Variants in SNRPN observed in about 807,000 individuals in gnomAD.
SNRPN encodes small nuclear ribonucleoprotein-associated protein N.
A neutral mutation model predicts 25.2 loss-of-function variants in SNRPN; 7 were observed. The ratio of observed to expected loss-of-function variants is 0.28; its 90% CI spans 0.16 to 0.52. The LOEUF is 0.52. SNRPN is among the 20% of genes least tolerant of loss of function. The pLI, the probability that SNRPN is intolerant of heterozygous loss-of-function variation, is 0.96. For missense variants in SNRPN, 196 were observed against 322.5 expected (o/e 0.61, Z 3.00); for synonymous variants, 124 against 110.6 (o/e 1.12, Z -0.76).
intron 2 of SNRPN, among the ~76,000 whole-genome samples, chr15:24,890,601 C>T (rs1459360409): frequency 2.0e-5 from 3 of 152,138 alleles, no homozygotes; most frequent in African/African-American, 4.8e-5. Context: ...ATCGCTTGAA[C>T]CCAGGAGGTG....
At chr15:24,944,662 A>G (rs1314922423) in intron 3 of SNRPN, among the ~76,000 whole-genome samples, 1 of 152,246 alleles carries the variant, frequency 6.6e-6, no homozygotes, top group Non-Finnish European at 1.5e-5. Context: ...TTTATTCTTA[A>G]GATCTGGTTC....
chr15:24,912,085 T>C (rs557058421), intron 2 of SNRPN, among the ~76,000 whole-genome samples: 1 of 152,206 alleles, frequency 6.6e-6, no homozygotes, highest in African/African-American at 2.4e-5. Context: ...TTGAATTTTG[T>C]TGGCCTTGTT....
At chr15:24,835,867 G>T (rs1250365749) in intron 2 of SNRPN, among the ~76,000 whole-genome samples, 1 of 152,012 alleles carries the variant, frequency 6.6e-6, no homozygotes, top group Non-Finnish European at 1.5e-5. Context: ...GTCTCGCTTT[G>T]TTGCCCAGGC....
chr15:24,845,911 C>G (rs572054253), intron 2 of SNRPN, among the ~76,000 whole-genome samples: 5 of 151,832 alleles, frequency 3.3e-5, no homozygotes, highest in East Asian at 2.0e-4. Flanking sequence ...ATGGTGAAAC[C>G]CTGTCTCTAC....
Position 24,969,316 on chromosome 15 carries a change from A to G in SNRPN, c.-144+1234A>G, listed in dbSNP as rs373460121. ...GCTAATTTTTGTATTTTTGGTAGAG[A>G]CGGGGTTTCACCATGTTCTCCAGGC... is the stretch of plus-strand genomic sequence containing the variant. On this transcript the variant is annotated intron_variant, in intron 3 of 9. Transcript: ENST00000390687. Among the ~76,000 whole-genome samples, 187 of 152,158 alleles carry G rather than the reference A, an allele frequency of 1.2e-3. 3 individuals carry two copies. Among genetic ancestry groups the G allele is most frequent in the African/African-American group, 4.4e-3 (181 of 41,522 alleles).
At position 24,974,493 on chromosome 15, in the gene SNRPN, T is replaced by C. The variant is rs17114933; in HGVS notation, c.3+37T>C. ...GATAAGGCTGAGGGTTGAAATGTGC[T>C]GTAAGGGCCGAAAGAAATAGTTTGC... On this transcript the variant is annotated intron_variant, in intron 4 of 9. Transcript: ENST00000390687. 7.4e-3 allele frequency: 11,822 copies of C among 1,607,020 alleles called. 735 individuals are homozygous for C. The African/African-American group carries it at 0.14, about 19-fold the overall frequency.
chr15:24,900,994 G>T (rs1015152998), intron 2 of SNRPN, among the ~76,000 whole-genome samples: 14 of 152,134 alleles, frequency 9.2e-5, no homozygotes, highest in African/African-American at 2.9e-4. Flanking sequence ...CTACTTGGGG[G>T]CTGAGATCAG....
intron 1 of SNRPN, among the ~76,000 whole-genome samples, chr15:24,828,351 A>G (rs2050247552): frequency 6.6e-6 from 1 of 152,102 alleles, no homozygotes; most frequent in South Asian, 2.1e-4. Flanking sequence ...CCTGAAGGTG[A>G]CAACAGAAGA....
At chr15:24,955,834 G>A (rs1424373958) in intron 1 of SNRPN, among the ~76,000 whole-genome samples, 3 of 151,628 alleles carry the variant, frequency 2.0e-5, no homozygotes, top group African/African-American at 7.3e-5. Context: ...AGGCATGGCG[G>A]CGGTGGGCAT....
At chr15:24,858,294 C>T (rs1021255488) in intron 1 of SNRPN, among the ~76,000 whole-genome samples, 7 of 152,030 alleles carry the variant, frequency 4.6e-5, no homozygotes, top group Admixed American at 2.0e-4. Context: ...TCCTGAAGTT[C>T]GCGGGGAATG....
At chr15:24,865,931 G>T (rs2054533316) in intron 1 of SNRPN, among the ~76,000 whole-genome samples, 1 of 152,110 alleles carries the variant, frequency 6.6e-6, no homozygotes, top group Non-Finnish European at 1.5e-5. Context: ...CAGTTGGGGG[G>T]CTTAGGATTT....
In SNRPN at chr15:24,978,332, T is replaced by G. The variant is rs148422593; in HGVS notation, c.685+14T>G. 4.7e-4 allele frequency: 757 copies of G among 1,614,094 alleles called. 2 individuals carry two copies. The African/African-American group carries it at 8.9e-3, about 19-fold the overall frequency. Reference sequence around the variant, plus strand: ...CAGGCATTAGAGGTGAGTGGGAGCATAGGGGTTTGATGGTTCAGCCAGGCC... The same window carrying G: ...CAGGCATTAGAGGTGAGTGGGAGCAGAGGGGTTTGATGGTTCAGCCAGGCC... On this transcript the variant is annotated intron_variant, in intron 9 of 9. Coordinates refer to ENST00000390687, the MANE Select transcript of SNRPN (RefSeq NM_003097.6).
intron 3 of SNRPN, 186 bp downstream of exon 3, chr15:24,968,268 T>G (rs2075940875): frequency 8.0e-6 from 4 of 497,226 alleles, no homozygotes; most frequent in Non-Finnish European, 1.4e-5. Flanking sequence ...TTCGTCATGT[T>G]TCTGTATTCC....
intron 1 of SNRPN, among the ~76,000 whole-genome samples, chr15:24,872,545 A>G (rs1404077378): frequency 9.2e-6 from 1 of 109,052 alleles, no homozygotes; most frequent in Non-Finnish European, 1.9e-5. Context: ...TGGGAGTTCG[A>G]GACCAGCCTG....
At chr15:24,960,030 C>T (rs559408777) in intron 1 of SNRPN, among the ~76,000 whole-genome samples, 5 of 151,768 alleles carry the variant, frequency 3.3e-5, no homozygotes, top group Admixed American at 6.6e-5. Flanking sequence ...TTTGGGAGGC[C>T]GAGGTGGGTA....
intron 2 of SNRPN, among the ~76,000 whole-genome samples, chr15:24,903,724 C>G (rs2151657180): frequency 6.6e-6 from 1 of 152,204 alleles, no homozygotes; most frequent in South Asian, 2.1e-4. Flanking sequence ...GAGAGATAGT[C>G]CCAGAAAGCT....
At chr15:24,954,902 C>T (rs185694427), upstream of SNRPN, 272 of 1,182,406 alleles carry the variant, frequency 2.3e-4, no homozygotes, top group Non-Finnish European at 3.0e-4. Flanking sequence ...CAAACAAGCA[C>T]GCCTGCGCGG....
At chr15:24,954,917 A>G, upstream of SNRPN, 1 of 1,353,978 alleles carries the variant, frequency 7.4e-7, no homozygotes. Context: ...GCGCGGCCGC[A>G]GAGGCAGGCT....
chr15:24,873,457 T>C (rs1443282654), intron 1 of SNRPN, among the ~76,000 whole-genome samples: 1 of 72,046 alleles, frequency 1.4e-5, no homozygotes, highest in African/African-American at 4.2e-5. Context: ...TTTGTCTCTC[T>C]TTTTTTTTGA....
Sources: gnomAD v4.1 joint callset for allele counts (sites outside exome capture counted in the v4.1 genomes callset) on GRCh38, gnomAD v4.1.1 for gene constraint, MANE v1.5 for transcripts, NCBI Gene and HGNC (gene_info 2026-07-23, HGNC 2026-07-21) for gene names.